Variants in PTPRA observed in about 807,000 individuals in gnomAD.
The protein encoded by PTPRA is receptor-type tyrosine-protein phosphatase alpha.
In PTPRA, 25 loss-of-function variants were observed where a neutral mutation model predicts 104.8. The observed-to-expected ratio is 0.24, with a 90% CI of 0.17 to 0.33. PTPRA has a LOEUF of 0.33. Among genes scored for constraint, PTPRA ranks in the 10% least tolerant of loss-of-function variants. The probability of loss-of-function intolerance (pLI) is 1.00; values close to 1 mark genes in which losing one functional copy is unlikely to be tolerated. For missense variants in PTPRA, 765 were observed against 1,015.3 expected (o/e 0.75, Z 3.35); for synonymous variants, 323 against 368.9 (o/e 0.88, Z 1.43).
chr20:2,927,652 G>A (rs191185637), intron 2 of PTPRA, among the ~76,000 whole-genome samples: 1 of 152,244 alleles, frequency 6.6e-6, no homozygotes, highest in Non-Finnish European at 1.5e-5. Flanking sequence ...TTTGACGGGG[G>A]TGCAGGGGAG....
chr20:3,020,697 C>A (rs490535), intron 13 of PTPRA, among the ~76,000 whole-genome samples: 1 of 151,976 alleles, frequency 6.6e-6, no homozygotes, highest in Non-Finnish European at 1.5e-5. Context: ...TATTTGTTAC[C>A]GTGTTTCTCA....
chr20:2,955,900 C>T (rs1475742779), intron 3 of PTPRA, among the ~76,000 whole-genome samples: 1 of 152,182 alleles, frequency 6.6e-6, no homozygotes, highest in African/African-American at 2.4e-5. Flanking sequence ...CCCCTACCCC[C>T]CACAGATACA....
At chr20:2,885,037 G>A (rs1247567996) in intron 1 of PTPRA, among the ~76,000 whole-genome samples, 5 of 151,956 alleles carry the variant, frequency 3.3e-5, no homozygotes, top group African/African-American at 1.2e-4. Flanking sequence ...TCTCGACCTC[G>A]TGATCCGCCC....
At chr20:2,864,996 G>C in the PTPRA span, 4 of 1,614,172 alleles carry the variant, frequency 2.5e-6, no homozygotes, top group Non-Finnish European at 3.4e-6. The surrounding 1 kb of genome is among the most constrained non-coding windows in gnomAD (Gnocchi z 5.2). Flanking sequence ...GGGGCGAGTA[G>C]CAGCTCTGCA....
chr20:2,899,559 T>C (rs1171283830), intron 1 of PTPRA, among the ~76,000 whole-genome samples: 1 of 152,170 alleles, frequency 6.6e-6, no homozygotes, highest in Non-Finnish European at 1.5e-5. Flanking sequence ...AATATGATTT[T>C]TGTGTAGCCT....
intron 9 of PTPRA, among the ~76,000 whole-genome samples, chr20:2,990,079 G>A (rs1465633383): frequency 6.6e-6 from 1 of 152,174 alleles, no homozygotes; most frequent in Non-Finnish European, 1.5e-5. Context: ...GACCAGAATA[G>A]TTGCGGGAAT....
chr20:2,879,648 T>C (rs1399752882), intron 1 of PTPRA, among the ~76,000 whole-genome samples: 1 of 152,142 alleles, frequency 6.6e-6, no homozygotes, highest in Non-Finnish European at 1.5e-5. Flanking sequence ...TAACGATGTT[T>C]CCATCAAGGA....
rs149088754 is a variant in PTPRA, at chr20:2,965,017, C to T, written c.230C>T (p.Thr77Ile). 1.3e-5 allele frequency: 21 copies of T among 1,614,034 alleles called. No homozygotes were observed. In the African/African-American group the frequency reaches 2.8e-4, roughly 22 times the overall value. The change falls in exon 5 of 24, where the codon ACC becomes ATC. Residue 77 changes from threonine (T) to isoleucine (I), a missense_variant. Around this residue, in one of 4 missense-constraint regions of PTPRA, gnomAD observed 256 missense variants for 248.9 expected, o/e 1.03. Transcript: ENST00000399903. ...PNITLGPTYLTTVNSSDSDNG... is the reference protein window; with the variant it reads ...PNITLGPTYLITVNSSDSDNG... The stretch of plus-strand genomic sequence containing the variant: ...ATAACTCTGGGACCCACCTATTTAA[C>T]CACTGTCAATTCTTCAGACTCTGAC...
At chr20:2,924,399 A>G (rs563952542) in intron 2 of PTPRA, among the ~76,000 whole-genome samples, 1 of 152,300 alleles carries the variant, frequency 6.6e-6, no homozygotes, top group Admixed American at 6.5e-5. Flanking sequence ...GGGCGAGACT[A>G]TGTATCAACA....
intron 2 of PTPRA, among the ~76,000 whole-genome samples, chr20:2,928,654 C>G (rs2060395917): frequency 6.6e-6 from 1 of 152,026 alleles, no homozygotes; most frequent in Non-Finnish European, 1.5e-5. Flanking sequence ...CTTAATAGAT[C>G]TGCAGACTCA....
At chr20:2,983,220 T>C (rs1235856165) in intron 6 of PTPRA, among the ~76,000 whole-genome samples, 1 of 151,614 alleles carries the variant, frequency 6.6e-6, no homozygotes, top group Non-Finnish European at 1.5e-5. Flanking sequence ...AGAGAGAGGC[T>C]GTGTAAAGCA....
intron 1 of PTPRA, among the ~76,000 whole-genome samples, chr20:2,905,690 CTTTTTT>C (rs11479039): frequency 8.5e-5 from 6 of 70,632 alleles, no homozygotes; most frequent in Non-Finnish European, 1.1e-4. Flanking sequence ...TCATAAAATT[CTTTTTT>C]TTTTTTTTTT....
Position 3,021,423 on chromosome 20 carries a change from C to T in PTPRA, c.1156C>T (p.Gln386Ter). Residue 386 changes from glutamine to a stop codon, truncating the protein, a stop_gained, in exon 14 of 24, where the codon CAG becomes TAG. Coordinates refer to ENST00000399903, the MANE Select transcript of PTPRA (RefSeq NM_001385305.1). LOFTEE classifies it high-confidence loss of function. ...VDYTVRKFCI[Q>*]QVGDMTNRKP... ...CTACACAGTACGGAAGTTCTGCATC[C>T]AGCAGGTAGTGTCTCCTCTGTCCTT... The T allele has an allele frequency of 1.2e-6, 2 of 1,614,002 alleles. No homozygotes were observed. The highest frequency in any genetic ancestry group is 1.7e-6 in the Non-Finnish European group (2 of 1,179,912).
rs542590671 is a variant in PTPRA at position 2,898,549 on chromosome 20, C to T, written c.-128-24658C>T. Among the ~76,000 whole-genome samples the T allele has an allele frequency of 2.6e-5, 4 of 151,446 alleles. No individual in the cohort carries two copies. The South Asian group carries it at 8.4e-4, about 32-fold the overall frequency. On this transcript the variant is annotated intron_variant, in intron 1 of 23. Coordinates refer to ENST00000399903, the MANE Select transcript of PTPRA (RefSeq NM_001385305.1). Reference sequence around the variant, plus strand: ...CATTCTTTGATCACTTTTTTTCTTACTTTTTGGAATAATAAGATTTTCTGT... The same window carrying T: ...CATTCTTTGATCACTTTTTTTCTTATTTTTTGGAATAATAAGATTTTCTGT...
chr20:2,964,649 G>A (rs953041652), intron 4 of PTPRA, among the ~76,000 whole-genome samples: 1 of 152,118 alleles, frequency 6.6e-6, no homozygotes, highest in Non-Finnish European at 1.5e-5. Flanking sequence ...GAAGAATCTT[G>A]TGTCTTTCTC....
At chr20:2,989,968 G>C (rs998974654) in intron 9 of PTPRA, among the ~76,000 whole-genome samples, 1 of 152,140 alleles carries the variant, frequency 6.6e-6, no homozygotes, top group Non-Finnish European at 1.5e-5. Context: ...AGTGAGCCGA[G>C]ATCATGCTAC....
chr20:2,877,043 G>C (rs1365362478), intron 1 of PTPRA, among the ~76,000 whole-genome samples: 1 of 152,116 alleles, frequency 6.6e-6, no homozygotes, highest in Non-Finnish European at 1.5e-5. Flanking sequence ...CCTCATGTTT[G>C]TATTTGCCAG....
intron 6 of PTPRA, among the ~76,000 whole-genome samples, chr20:2,984,746 CT>C (rs2062829299): frequency 6.6e-6 from 1 of 152,192 alleles, no homozygotes; most frequent in South Asian, 2.1e-4. Context: ...TTGAACTGGC[CT>C]TTGTGCTGTT....
chr20:2,866,055 ACTGT>A, the PTPRA span: 4 of 676,068 alleles, frequency 5.9e-6, no homozygotes, highest in African/African-American at 5.4e-5. Flanking sequence ...TGAGATCACA[ACTGT>A]CTGTGCATGG....
Sources: gnomAD v4.1 joint callset for allele counts (sites outside exome capture counted in the v4.1 genomes callset) on GRCh38, gnomAD v4.1.1 for gene constraint, gnomAD v4.1.1 regional missense constraint, Gnocchi (gnomAD v3.1) non-coding constraint, MANE v1.5 for transcripts, NCBI Gene and HGNC (gene_info 2026-07-23, HGNC 2026-07-21) for gene names.